The following NRDC variants were observed in gnomAD, a reference collection of about 807,000 sequenced individuals.
NRDC encodes the protein nardilysin.
Under a neutral mutation model 147.1 loss-of-function variants are expected in NRDC, and 54 were observed. The observed-to-expected ratio is 0.37, with a 90% CI of 0.29 to 0.46. NRDC has a LOEUF of 0.46. Ranked by LOEUF, NRDC falls within the 20% of genes least tolerant of loss-of-function variation. The pLI is 1.00. For missense variants in NRDC, 1,082 were observed against 1,370.6 expected (o/e 0.79, Z 3.33); for synonymous variants, 440 against 482.1 (o/e 0.91, Z 1.14).
chr1:51,874,000 G>A (rs1683207987), intron 1 of NRDC, among the ~76,000 whole-genome samples: 1 of 151,134 alleles, frequency 6.6e-6, no homozygotes, highest in South Asian at 2.1e-4. Flanking sequence ...ACCAGCCTGG[G>A]CAACTTGGTG....
intron 1 of NRDC, among the ~76,000 whole-genome samples, chr1:51,864,036 A>T (rs1485078070): frequency 6.6e-6 from 1 of 152,256 alleles, no homozygotes; most frequent in Admixed American, 6.5e-5. Context: ...TTTTATAATG[A>T]AGTGTTGAAT....
intron 2 of NRDC, chr1:51,837,693 T>C: frequency 8.1e-7 from 1 of 1,238,956 alleles, no homozygotes; most frequent in Admixed American, 2.5e-5. Context: ...ACTTGAGAAC[T>C]GAATTAAGAA....
At chr1:51,861,891 A>G (rs1682562779) in intron 1 of NRDC, among the ~76,000 whole-genome samples, 1 of 152,160 alleles carries the variant, frequency 6.6e-6, no homozygotes, top group African/African-American at 2.4e-5. Context: ...CTCATCTATG[A>G]TGAGTCACTG....
chr1:51,862,808 G>A (rs990830977), intron 1 of NRDC, among the ~76,000 whole-genome samples: 9 of 151,634 alleles, frequency 5.9e-5, no homozygotes, highest in Non-Finnish European at 1.3e-4. Flanking sequence ...ATGAGGCCAG[G>A]AGTTTGAGAC....
intron 4 of NRDC, among the ~76,000 whole-genome samples, chr1:51,832,498 T>G (rs1000039176): frequency 6.6e-6 from 1 of 152,242 alleles, no homozygotes; most frequent in South Asian, 2.1e-4. Context: ...GATTTGCAGA[T>G]GTATCAACAA....
intron 13 of NRDC, 68 bp from the exon 14 acceptor site, chr1:51,814,157 G>A: frequency 1.1e-6 from 1 of 920,796 alleles, no homozygotes; most frequent in South Asian, 1.4e-5. Context: ...AGAAGGGCGG[G>A]AGGAGGGAGA....
At chr1:51,837,533 G>C in intron 2 of NRDC, 2 of 1,590,564 alleles carry the variant, frequency 1.3e-6, no homozygotes, top group Non-Finnish European at 1.7e-6. Context: ...GTCTCGACCA[G>C]CAGGGTTGAA....
At chr1:51,838,770 T>G (rs186572054) in intron 2 of NRDC, among the ~76,000 whole-genome samples, 83 of 152,310 alleles carry the variant, frequency 5.4e-4, no homozygotes, top group African/African-American at 1.7e-3. Flanking sequence ...ATTAATGCTC[T>G]ATTTGGAATT....
At chr1:51,822,397 T>C (rs1680250891) in intron 7 of NRDC, among the ~76,000 whole-genome samples, 1 of 152,158 alleles carries the variant, frequency 6.6e-6, no homozygotes, top group African/African-American at 2.4e-5. Context: ...AACTCTAGCC[T>C]AGGCACAGTG....
chr1:51,793,014 C>G (rs1215131771), intron 24 of NRDC, among the ~76,000 whole-genome samples: 5 of 152,226 alleles, frequency 3.3e-5, no homozygotes, highest in African/African-American at 1.2e-4. Flanking sequence ...GAGTCAGGAT[C>G]TTGCAGGTTC....
intron 22 of NRDC, among the ~76,000 whole-genome samples, chr1:51,797,169 C>G (rs1044801505): frequency 6.6e-6 from 1 of 151,876 alleles, no homozygotes; most frequent in Non-Finnish European, 1.5e-5. Flanking sequence ...CCACTGGACT[C>G]CAGCCTGGGT....
intron 1 of NRDC, among the ~76,000 whole-genome samples, chr1:51,845,429 A>G (rs980964862): frequency 6.6e-6 from 1 of 152,140 alleles, no homozygotes; most frequent in African/African-American, 2.4e-5. Flanking sequence ...ACCCGACTCT[A>G]TTAAGAATAC....
At chr1:51,851,944 C>T (rs1681970948) in intron 1 of NRDC, among the ~76,000 whole-genome samples, 1 of 152,154 alleles carries the variant, frequency 6.6e-6, no homozygotes, top group Non-Finnish European at 1.5e-5. Flanking sequence ...ATTTGTGTGA[C>T]TTTTGCCATT....
At chr1:51,859,014 G>A (rs1210059142) in intron 1 of NRDC, among the ~76,000 whole-genome samples, 1 of 152,068 alleles carries the variant, frequency 6.6e-6, no homozygotes, top group Non-Finnish European at 1.5e-5. Context: ...GAGCAAATGA[G>A]GGTACAATAT....
intron 10 of NRDC, among the ~76,000 whole-genome samples, chr1:51,817,022 C>G (rs1680001172): frequency 6.6e-6 from 1 of 152,146 alleles, no homozygotes; most frequent in Admixed American, 6.5e-5. Flanking sequence ...AACTGTCTTT[C>G]CCCCTGGCCT....
chr1:51,831,716 T>C (rs1293973428), intron 4 of NRDC, among the ~76,000 whole-genome samples: 1 of 151,650 alleles, frequency 6.6e-6, no homozygotes, highest in Non-Finnish European at 1.5e-5. Flanking sequence ...GCAGCTGGGA[T>C]TACAGGCCTG....
chr1:51,803,925 A>G lies in NRDC; in HGVS notation c.2202T>C (p.His734=). 9 of 1,612,312 alleles carry G rather than the reference A, an allele frequency of 5.6e-6. No homozygotes were observed. The highest frequency in any genetic ancestry group is 7.6e-6 in the Non-Finnish European group (9 of 1,179,106). The change falls in exon 20 of 31, where the codon CAT becomes CAC. Residue 734 remains histidine, a synonymous_variant. Coordinates refer to ENST00000352171, the MANE Select transcript of NRDC (RefSeq NM_001101662.2). ...CTTCATAAGCTGGTTCCGCAAGGTTATGCGTAAGGATATTGACAAAGATAT... is the reference window on the plus strand; with the variant it reads ...CTTCATAAGCTGGTTCCGCAAGGTTGTGCGTAAGGATATTGACAAAGATAT... ...LFDIFVNILT[H]NLAEPAYEAD...
chr1:51,845,622 T>G (rs1571896562), intron 1 of NRDC, among the ~76,000 whole-genome samples: 1 of 149,930 alleles, frequency 6.7e-6, no homozygotes, highest in African/African-American at 2.5e-5. Context: ...AAAAGAAATG[T>G]CCCGTTTTCA....
In NRDC at chr1:51,822,294, T is replaced by A. The variant is rs180918642; in HGVS notation, c.1160-739A>T. Among the ~76,000 whole-genome samples, 595 of 152,306 alleles carry A rather than the reference T, an allele frequency of 3.9e-3. 2 individuals carry two copies. The highest frequency in any genetic ancestry group is 7.6e-3 in the Admixed American group (117 of 15,300). On this transcript the variant is annotated intron_variant, in intron 7 of 30. Coordinates refer to ENST00000352171, the MANE Select transcript of NRDC (RefSeq NM_001101662.2). ...TTCAGACTAATCATTTCTGAATTTA[T>A]ATTATTTATATAGATGTTTGACTCT...
Sources: gnomAD v4.1 joint callset for allele counts (sites outside exome capture counted in the v4.1 genomes callset) on GRCh38, gnomAD v4.1.1 for gene constraint, MANE v1.5 for transcripts, NCBI Gene and HGNC (gene_info 2026-07-23, HGNC 2026-07-21) for gene names.